The following RAB27B variants were observed in gnomAD, a reference collection of about 807,000 sequenced individuals.
The protein encoded by RAB27B is ras-related protein Rab-27B.
In RAB27B, 15 loss-of-function variants were observed where a neutral mutation model predicts 24.6. That is an observed-to-expected ratio of 0.61 (90% CI 0.41 to 0.94). RAB27B has a LOEUF of 0.94. Among genes scored for constraint, RAB27B ranks in the 40% least tolerant of loss-of-function variants. The probability of loss-of-function intolerance (pLI) is 0.00; values close to 1 mark genes in which losing one functional copy is unlikely to be tolerated. For missense variants in RAB27B, 261 were observed against 266.8 expected (o/e 0.98, Z 0.15); for synonymous variants, 105 against 92.5 (o/e 1.14, Z -0.78).
chr18:54,823,232 G>T (rs1369124275), intron 2 of RAB27B, among the ~76,000 whole-genome samples: 6 of 152,232 alleles, frequency 3.9e-5, no homozygotes. Flanking sequence ...CTTATGACTT[G>T]TTAGTCACAC....
chr18:54,817,012 A>G (rs957422364), intron 2 of RAB27B, among the ~76,000 whole-genome samples: 4 of 152,202 alleles, frequency 2.6e-5, no homozygotes, highest in Admixed American at 6.5e-5. Flanking sequence ...CTGATATACA[A>G]TACTTTTAAT....
intron 2 of RAB27B, among the ~76,000 whole-genome samples, chr18:54,806,084 C>T (rs1909782929): frequency 1.3e-5 from 2 of 152,184 alleles, no homozygotes; most frequent in South Asian, 4.1e-4. Context: ...CTGCTTGCAA[C>T]CCATGGGATT....
At chr18:54,856,368 A>C (rs906284712) in intron 1 of RAB27B, among the ~76,000 whole-genome samples, 2 of 152,264 alleles carry the variant, frequency 1.3e-5, no homozygotes, top group African/African-American at 4.8e-5. Flanking sequence ...AACTAGCCAG[A>C]GCCAGATCAT....
intron 4 of RAB27B, among the ~76,000 whole-genome samples, chr18:54,887,261 T>G (rs975298241): frequency 1.3e-5 from 2 of 151,650 alleles, no homozygotes; most frequent in African/African-American, 4.8e-5. Context: ...AAAAAACAAA[T>G]TTACCCACTT....
At chr18:54,768,752 C>T (rs1181774477) in intron 2 of RAB27B, among the ~76,000 whole-genome samples, 1 of 152,106 alleles carries the variant, frequency 6.6e-6, no homozygotes, top group African/African-American at 2.4e-5. Flanking sequence ...ACCTTTGTCA[C>T]AGGGTACCAG....
intron 2 of RAB27B, among the ~76,000 whole-genome samples, chr18:54,796,125 G>A (rs913780089): frequency 6.6e-6 from 1 of 152,104 alleles, no homozygotes; most frequent in African/African-American, 2.4e-5. Flanking sequence ...GTGTGACAGG[G>A]GTGGCTCGCT....
intron 2 of RAB27B, among the ~76,000 whole-genome samples, chr18:54,798,843 T>A (rs1019659108): frequency 6.6e-6 from 1 of 152,234 alleles, no homozygotes; most frequent in African/African-American, 2.4e-5. Flanking sequence ...TAGCCACATC[T>A]TATAAATTCA....
chr18:54,776,348 C>A (rs774638076), intron 2 of RAB27B, among the ~76,000 whole-genome samples: 6 of 152,186 alleles, frequency 3.9e-5, no homozygotes, highest in Non-Finnish European at 5.9e-5. Flanking sequence ...AGGCAGAAAG[C>A]AGGAGCAGCC....
At chr18:54,730,459 A>AT (rs1490723050) in intron 2 of RAB27B, among the ~76,000 whole-genome samples, 1 of 151,980 alleles carries the variant, frequency 6.6e-6, no homozygotes, top group African/African-American at 2.4e-5. Context: ...AGCGTGCTGC[A>AT]TTTACTTCTT....
At chr18:54,887,234 TAAC>T (rs1346795351) in intron 4 of RAB27B, among the ~76,000 whole-genome samples, 1 of 151,694 alleles carries the variant, frequency 6.6e-6, no homozygotes, top group Non-Finnish European at 1.5e-5. Flanking sequence ...AAAGGAAAGG[TAAC>T]AACTTCCTAA....
intron 2 of RAB27B, among the ~76,000 whole-genome samples, chr18:54,816,018 C>T (rs751471575): frequency 1.2e-4 from 19 of 152,260 alleles, no homozygotes; most frequent in Admixed American, 6.5e-4. Flanking sequence ...GTTTAAATAT[C>T]GAAACCCCTA....
intron 2 of RAB27B, among the ~76,000 whole-genome samples, chr18:54,761,987 T>C (rs778563195): frequency 1.1e-4 from 17 of 152,140 alleles, no homozygotes; most frequent in Admixed American, 3.3e-4. Context: ...CCAGTGGCAG[T>C]GTCCTTATAA....
At chr18:54,870,956 T>C (rs1334523884) in intron 1 of RAB27B, among the ~76,000 whole-genome samples, 2 of 152,208 alleles carry the variant, frequency 1.3e-5, no homozygotes, top group Non-Finnish European at 2.9e-5. Context: ...TCAAATTTAG[T>C]ATATGTTTGA....
rs141674403 is a variant in RAB27B, at chr18:54,782,206, C to T, written c.-20+64065C>T. Among the ~76,000 whole-genome samples, 437 of 152,310 alleles carry T rather than the reference C, an allele frequency of 2.9e-3. 6 individuals are homozygous for T. Among genetic ancestry groups the T allele is most frequent in the South Asian group, 0.028 (136 of 4,828 alleles). On this transcript the variant is annotated intron_variant, in intron 2 of 4. Coordinates refer to the RAB27B transcript ENST00000586570. ...GCACAATGTGCAGTTGTTATTCTGA[C>T]ATCCACAAAGTTTATAACAGAATAG...
chr18:54,813,821 TC>T (rs577489259), intron 2 of RAB27B, among the ~76,000 whole-genome samples: 43 of 152,056 alleles, frequency 2.8e-4, no homozygotes, highest in Non-Finnish European at 4.3e-4. Context: ...TACTTCAACA[TC>T]CCCAGGTTAT....
rs1432665669 is a variant in RAB27B at position 54,892,133 on chromosome 18, A to T, written c.*2720A>T. The T allele has an allele frequency of 1.3e-5, 2 of 152,092 alleles. No individual in the cohort carries two copies. The highest frequency in any genetic ancestry group is 1.9e-4 in the East Asian group (1 of 5,192). The allele number at this position is 152,092 out of a possible 1,614,324, so 9.4% of individuals were successfully genotyped here. A position where few individuals can be genotyped will look rare whatever the true frequency, so the allele number is the denominator to read the frequency against. ...ACAACAGCATGTAATTTTAGCCAAG[A>T]TATGTCCTGTTACTAAGTATCTCCC... On this transcript the variant is annotated 3_prime_UTR_variant, in exon 6 of 6. Transcript: ENST00000262094.
chr18:54,820,499 G>A (rs1265542900), intron 2 of RAB27B, among the ~76,000 whole-genome samples: 3 of 152,084 alleles, frequency 2.0e-5, no homozygotes, highest in Admixed American at 1.3e-4. Flanking sequence ...TGAGTTCATC[G>A]TAGATTCTGG....
At chr18:54,786,914 A>T (rs1452952831) in intron 2 of RAB27B, among the ~76,000 whole-genome samples, 1 of 152,226 alleles carries the variant, frequency 6.6e-6, no homozygotes, top group Admixed American at 6.5e-5. Context: ...ATTTAAGCAC[A>T]TCACTCTGCA....
At chr18:54,871,202 A>AGGGG (rs1424129995) in intron 1 of RAB27B, among the ~76,000 whole-genome samples, 5 of 152,256 alleles carry the variant, frequency 3.3e-5, no homozygotes, top group Non-Finnish European at 5.9e-5. Context: ...AAATGCTAAA[A>AGGGG]AAAATACACT....
Sources: allele counts gnomAD v4.1 joint callset (sites outside exome capture counted in the v4.1 genomes callset), GRCh38; gene constraint gnomAD v4.1.1; transcripts MANE v1.5; gene names NCBI Gene and HGNC (gene_info 2026-07-23, HGNC 2026-07-21).